The following PITPNC1 variants were observed in gnomAD, a reference collection of about 807,000 sequenced individuals.
PITPNC1 encodes the protein cytoplasmic phosphatidylinositol transfer protein 1.
A neutral mutation model predicts 44.7 loss-of-function variants in PITPNC1; 18 were observed. The observed-to-expected ratio is 0.40, with a 90% confidence interval of 0.28 to 0.60. The LOEUF (loss-of-function observed/expected upper bound fraction) is 0.60, where lower values mean the gene tolerates loss of function less well. PITPNC1 is among the 20% of genes least tolerant of loss of function. The probability of loss-of-function intolerance (pLI) is 0.39; values close to 1 mark genes in which losing one functional copy is unlikely to be tolerated. For synonymous variants in PITPNC1, 141 were observed against 149.6 expected (o/e 0.94, Z 0.42); for missense variants, 290 against 418.4 (o/e 0.69, Z 2.68).
At chr17:67,472,869 T>C (rs1264136376) in intron 1 of PITPNC1, among the ~76,000 whole-genome samples, 2 of 150,506 alleles carry the variant, frequency 1.3e-5, no homozygotes, top group Non-Finnish European at 2.9e-5. Context: ...ACCAGCACCA[T>C]AATTAATGTG....
At chr17:67,619,382 T>C (rs1230236012) in intron 5 of PITPNC1, among the ~76,000 whole-genome samples, 1 of 152,162 alleles carries the variant, frequency 6.6e-6, no homozygotes, top group Non-Finnish European at 1.5e-5. Flanking sequence ...CAAGCCTCCC[T>C]TCCCGACACC....
chr17:67,572,976 C>A (rs1422219010), intron 4 of PITPNC1, among the ~76,000 whole-genome samples: 1 of 152,210 alleles, frequency 6.6e-6, no homozygotes, highest in African/African-American at 2.4e-5. Context: ...AGGACAGATT[C>A]TCTCCCAGAG....
chr17:67,479,957 T>C (rs1194478614), intron 1 of PITPNC1, among the ~76,000 whole-genome samples: 1 of 152,254 alleles, frequency 6.6e-6, no homozygotes, highest in Non-Finnish European at 1.5e-5. Flanking sequence ...GGATTCAAAA[T>C]GACTTTCCCT....
At chr17:67,454,236 G>A (rs1415572367) in intron 1 of PITPNC1, among the ~76,000 whole-genome samples, 3 of 147,896 alleles carry the variant, frequency 2.0e-5, no homozygotes, top group African/African-American at 7.6e-5. Context: ...GGGACACAGA[G>A]CAAGACTCCG....
chr17:67,567,518 G>C (rs1170546549), intron 4 of PITPNC1, among the ~76,000 whole-genome samples: 1 of 151,442 alleles, frequency 6.6e-6, no homozygotes, highest in South Asian at 2.1e-4. Flanking sequence ...GACGAGACGT[G>C]CTATCAAGGA....
chr17:67,616,772 G>C (rs980447215), intron 5 of PITPNC1, among the ~76,000 whole-genome samples: 1 of 152,106 alleles, frequency 6.6e-6, no homozygotes, highest in Non-Finnish European at 1.5e-5. Flanking sequence ...TTAGATCTCT[G>C]CCTCACCACT....
chr17:67,525,823 A>G (rs1040847234), intron 1 of PITPNC1, among the ~76,000 whole-genome samples: 2 of 152,220 alleles, frequency 1.3e-5, no homozygotes, highest in Non-Finnish European at 2.9e-5. Flanking sequence ...AAGAAAGCCA[A>G]ATGATATCAC....
At chr17:67,448,199 G>C (rs986597182) in intron 1 of PITPNC1, among the ~76,000 whole-genome samples, 61 of 151,900 alleles carry the variant, frequency 4.0e-4, no homozygotes, top group African/African-American at 1.4e-3. Flanking sequence ...CGCCCGCCTT[G>C]GCCTCCCAAA....
intron 5 of PITPNC1, among the ~76,000 whole-genome samples, chr17:67,591,249 A>G (rs9897889): frequency 0.021 from 3,251 of 152,322 alleles, 103 homozygotes; most frequent in African/African-American, 0.069. Context: ...TGTTGAGGTC[A>G]TGAAAGACAA....
chr17:67,419,527 C>G lies in PITPNC1; in HGVS notation c.48+41325C>G, dbSNP rs80091806. Among the ~76,000 whole-genome samples the G allele has an allele frequency of 3.1e-3, 477 of 152,132 alleles. 4 individuals are homozygous for G. The highest frequency in any genetic ancestry group is 0.011 in the African/African-American group (465 of 41,494). Reference sequence around the variant, plus strand: ...TACTTGGGACACTTTCTAGTTTTGACCTTAAGTAGGGTATCAGGAAAATTC... The same window carrying G: ...TACTTGGGACACTTTCTAGTTTTGAGCTTAAGTAGGGTATCAGGAAAATTC... On this transcript the variant is annotated intron_variant, in intron 1 of 8. Transcript: ENST00000581322.
At chr17:67,460,133 TTA>T (rs775119527) in intron 1 of PITPNC1, among the ~76,000 whole-genome samples, 20 of 152,170 alleles carry the variant, frequency 1.3e-4, no homozygotes, top group Non-Finnish European at 2.4e-4. Flanking sequence ...ATGAAGTGAT[TTA>T]TAACCTGTGG....
chr17:67,639,130 G>GAAAAGAAAAGAA lies in PITPNC1; in HGVS notation c.462+6893_462+6904dup, dbSNP rs1194127924. Among the ~76,000 whole-genome samples, 4 of 151,850 alleles carry GAAAAGAAAAGAA rather than the reference G, an allele frequency of 2.6e-5. 1 individual carries two copies. Among genetic ancestry groups the GAAAAGAAAAGAA allele is most frequent in the African/African-American group, 7.3e-5 (3 of 41,330 alleles). On this transcript the variant is annotated intron_variant, in intron 6 of 8. Coordinates refer to ENST00000581322, the MANE Select transcript of PITPNC1 (RefSeq NM_012417.4). ...AGAGCGAGACCCTGTCTCTAAAAAA[G>GAAAAGAAAAGAA]AAAAGAAAAGAATCCAAACTGCACC...
chr17:67,420,851 G>T (rs2038662920), intron 1 of PITPNC1, among the ~76,000 whole-genome samples: 1 of 152,158 alleles, frequency 6.6e-6, no homozygotes, highest in Non-Finnish European at 1.5e-5. Context: ...TGTTTCTTCT[G>T]ATCAATCAAT....
chr17:67,475,341 G>A (rs915994933), intron 1 of PITPNC1, among the ~76,000 whole-genome samples: 11 of 152,130 alleles, frequency 7.2e-5, no homozygotes, highest in Admixed American at 5.9e-4. Flanking sequence ...TAAATCCAAC[G>A]TGACGCCTAC....
At chr17:67,626,796 A>G (rs940604101) in intron 5 of PITPNC1, among the ~76,000 whole-genome samples, 3 of 151,446 alleles carry the variant, frequency 2.0e-5, no homozygotes, top group African/African-American at 7.3e-5. Flanking sequence ...CTTACAACCA[A>G]GGAAACAGGA....
intron 1 of PITPNC1, among the ~76,000 whole-genome samples, chr17:67,413,064 A>G (rs1213582302): frequency 6.6e-6 from 1 of 152,220 alleles, no homozygotes; most frequent in Non-Finnish European, 1.5e-5. Context: ...AAGAGATTAC[A>G]TTAGGAATTA....
intron 1 of PITPNC1, among the ~76,000 whole-genome samples, chr17:67,458,352 A>G (rs1481235459): frequency 1.3e-5 from 2 of 152,022 alleles, no homozygotes; most frequent in Non-Finnish European, 2.9e-5. Context: ...CTATGCCCTT[A>G]GTTATTCTTT....
chr17:67,614,112 GAAA>G (rs1252161048), intron 5 of PITPNC1, among the ~76,000 whole-genome samples: 1 of 151,228 alleles, frequency 6.6e-6, no homozygotes, highest in African/African-American at 2.4e-5. Context: ...AAAAGAAAAA[GAAA>G]AAAGAGCGCT....
At chr17:67,562,142 C>T (rs116109166) in intron 4 of PITPNC1, among the ~76,000 whole-genome samples, 4 of 152,328 alleles carry the variant, frequency 2.6e-5, no homozygotes, top group Non-Finnish European at 4.4e-5. Flanking sequence ...TTCATGTCTT[C>T]GGCTCTGTCT....
Sources: gnomAD v4.1 joint callset for allele counts (sites outside exome capture counted in the v4.1 genomes callset) on GRCh38, gnomAD v4.1.1 for gene constraint, MANE v1.5 for transcripts, NCBI Gene and HGNC (gene_info 2026-07-23, HGNC 2026-07-21) for gene names.